Variants in HUNK observed in about 807,000 individuals in gnomAD.
HUNK encodes the protein hormonally up-regulated Neu-associated kinase, also known as hormonally up-regulated neu tumor-associated kinase.
Under a neutral mutation model 61.0 loss-of-function variants are expected in HUNK, and 21 were observed. The ratio of observed to expected loss-of-function variants is 0.34; its 90% CI spans 0.24 to 0.50. The LOEUF (loss-of-function observed/expected upper bound fraction) is 0.50, where lower values mean the gene tolerates loss of function less well. Among genes scored for constraint, HUNK ranks in the 20% least tolerant of loss-of-function variants. The pLI, the probability that HUNK is intolerant of heterozygous loss-of-function variation, is 0.98. For missense variants in HUNK, 772 were observed against 945.7 expected, an observed-to-expected ratio of 0.82 and a Z score of 2.41; for synonymous variants, 371 against 386.1, an observed-to-expected ratio of 0.96 and a Z score of 0.46.
intron 4 of HUNK, among the ~76,000 whole-genome samples, chr21:31,955,664 G>A (rs1421678591): frequency 2.0e-5 from 3 of 152,226 alleles, no homozygotes; most frequent in Non-Finnish European, 2.9e-5. Context: ...TAGTTATATG[G>A]TGGTCATCCA....
chr21:31,901,143 G>A (rs1181042509), intron 1 of HUNK, among the ~76,000 whole-genome samples: 1 of 152,196 alleles, frequency 6.6e-6, no homozygotes, highest in Non-Finnish European at 1.5e-5. Flanking sequence ...CATCTGCAAT[G>A]ACCTGATTTC....
chr21:31,899,873 G>C (rs896749213), intron 1 of HUNK, among the ~76,000 whole-genome samples: 1 of 151,870 alleles, frequency 6.6e-6, no homozygotes, highest in African/African-American at 2.4e-5. Context: ...TGCCTCCCAG[G>C]TTCAAGCAAT....
chr21:31,879,495 A>G (rs951303268), intron 1 of HUNK, among the ~76,000 whole-genome samples: 3 of 152,212 alleles, frequency 2.0e-5, no homozygotes, highest in African/African-American at 7.2e-5. Flanking sequence ...TCATTGATAC[A>G]GGTCCCACGG....
At chr21:31,965,600 T>TC in intron 5 of HUNK, among the ~76,000 whole-genome samples, 1 of 149,174 alleles carries the variant, frequency 6.7e-6, no homozygotes, top group Middle Eastern at 3.4e-3. Flanking sequence ...TTTTCTTTTT[T>TC]TTTTTTTTTT....
intron 1 of HUNK, among the ~76,000 whole-genome samples, chr21:31,877,290 G>A (rs1037141119): frequency 1.1e-4 from 16 of 152,162 alleles, no homozygotes; most frequent in Non-Finnish European, 2.2e-4. Context: ...AAAGCTTTGG[G>A]TGAAATCCTT....
chr21:31,979,176 CACTGCAACCTCTGCTT>C (rs1211114758), intron 7 of HUNK, among the ~76,000 whole-genome samples: 9 of 148,898 alleles, frequency 6.0e-5, no homozygotes, highest in African/African-American at 9.9e-5. Context: ...GATCTCGGCT[CACTGCAACCTCTGCTT>C]ACTGCAACCT....
At chr21:31,879,613 C>A (rs1301538016) in intron 1 of HUNK, among the ~76,000 whole-genome samples, 1 of 152,114 alleles carries the variant, frequency 6.6e-6, no homozygotes, top group East Asian at 1.9e-4. Flanking sequence ...CTATAGCTAC[C>A]CGTGCATACC....
chr21:31,986,543 T>C (rs1217384558), intron 8 of HUNK, among the ~76,000 whole-genome samples: 1 of 152,000 alleles, frequency 6.6e-6, no homozygotes, highest in Non-Finnish European at 1.5e-5. Flanking sequence ...GCTTGAGACC[T>C]TCGGAGGTTT....
At chr21:31,950,376 T>C in intron 4 of HUNK, among the ~76,000 whole-genome samples, 1 of 152,170 alleles carries the variant, frequency 6.6e-6, no homozygotes, top group East Asian at 1.9e-4. Flanking sequence ...CTAGCACATA[T>C]GGCTGCACAG....
chr21:31,998,108 G>A (rs1186869776), intron 10 of HUNK, among the ~76,000 whole-genome samples: 1 of 151,976 alleles, frequency 6.6e-6, no homozygotes, highest in African/African-American at 2.4e-5. Flanking sequence ...TTTTAGAGAC[G>A]GGGTCTTGCC....
chr21:31,891,586 C>A (rs968882913), intron 1 of HUNK, among the ~76,000 whole-genome samples: 1 of 152,198 alleles, frequency 6.6e-6, no homozygotes, highest in Non-Finnish European at 1.5e-5. Flanking sequence ...GGTTACAGTT[C>A]ACTATGTGCA....
chr21:31,910,434 C>T (rs2052538016), intron 1 of HUNK, among the ~76,000 whole-genome samples: 1 of 151,990 alleles, frequency 6.6e-6, no homozygotes, highest in African/African-American at 2.4e-5. Context: ...GTTTAAAGGC[C>T]CTGTTTCCAA....
intron 1 of HUNK, among the ~76,000 whole-genome samples, chr21:31,900,130 T>C (rs752649110): frequency 6.6e-6 from 1 of 152,124 alleles, no homozygotes; most frequent in South Asian, 2.1e-4. Context: ...CAGTCTAGTT[T>C]AATCCTCGTT....
intron 9 of HUNK, 119 bp from the exon 10 acceptor site, chr21:31,995,649 G>C: frequency 1.2e-6 from 1 of 812,970 alleles, no homozygotes; most frequent in Non-Finnish European, 2.0e-6. Flanking sequence ...ACACAGTTGA[G>C]AGCATAGAGT....
intron 4 of HUNK, among the ~76,000 whole-genome samples, chr21:31,951,567 G>A (rs979072750): frequency 6.6e-6 from 1 of 152,034 alleles, no homozygotes; most frequent in Non-Finnish European, 1.5e-5. Context: ...TGAAGTATTT[G>A]CGTGAGGGCC....
chr21:31,891,308 C>T (rs756959812), intron 1 of HUNK, among the ~76,000 whole-genome samples: 8 of 152,214 alleles, frequency 5.3e-5, no homozygotes, highest in Non-Finnish European at 8.8e-5. Context: ...ACCCAGGAGG[C>T]GGAGGTTGCA....
chr21:31,977,334 G>A (rs2053057285), intron 7 of HUNK, among the ~76,000 whole-genome samples: 1 of 152,152 alleles, frequency 6.6e-6, no homozygotes, highest in South Asian at 2.1e-4. Context: ...GAAGAAAAGA[G>A]GGTTAATGCA....
chr21:31,889,254 C>G (rs529917585), intron 1 of HUNK, among the ~76,000 whole-genome samples: 5 of 152,174 alleles, frequency 3.3e-5, no homozygotes, highest in East Asian at 1.9e-4. Context: ...GCTTAGTCCC[C>G]GGTTGGGCTG....
At chr21:31,928,947 A>C (rs571730680) in intron 2 of HUNK, among the ~76,000 whole-genome samples, 2 of 152,190 alleles carry the variant, frequency 1.3e-5, no homozygotes, top group Non-Finnish European at 2.9e-5. Flanking sequence ...CCCTGGTGGG[A>C]AGATTTCTAA....
Sources: allele counts gnomAD v4.1 joint callset (sites outside exome capture counted in the v4.1 genomes callset), GRCh38; gene constraint gnomAD v4.1.1; transcripts MANE v1.5; gene names NCBI Gene and HGNC (gene_info 2026-07-23, HGNC 2026-07-21).